RABGAP1L: variants seen among roughly 807,000 people sequenced by gnomAD.
RABGAP1L encodes RAB GTPase activating protein 1 like.
In RABGAP1L, 63 loss-of-function variants were observed where a neutral mutation model predicts 137.7. That is an observed-to-expected ratio of 0.46 (90% CI 0.37 to 0.56). The LOEUF (loss-of-function observed/expected upper bound fraction) is 0.56, where lower values mean the gene tolerates loss of function less well. Among genes scored for constraint, RABGAP1L ranks in the 20% least tolerant of loss-of-function variants. The pLI is 0.00. For synonymous variants in RABGAP1L, 431 were observed against 433.7 expected, an observed-to-expected ratio of 0.99 and a Z score of 0.08; for missense variants, 1,095 against 1,244.0, an observed-to-expected ratio of 0.88 and a Z score of 1.80.
At chr1:174,795,276 C>T (rs1326467610) in intron 18 of RABGAP1L, among the ~76,000 whole-genome samples, 2 of 152,182 alleles carry the variant, frequency 1.3e-5, no homozygotes, top group Non-Finnish European at 1.5e-5. Flanking sequence ...AGCTCTCTGC[C>T]ATCCCCCGTA....
intron 13 of RABGAP1L, among the ~76,000 whole-genome samples, chr1:174,501,014 A>G (rs1257102987): frequency 6.6e-6 from 1 of 152,098 alleles, no homozygotes; most frequent in Non-Finnish European, 1.5e-5. Context: ...ACATTTTCTA[A>G]TTTCTTAAGA....
At chr1:174,888,781 G>C (rs1016658449) in intron 19 of RABGAP1L, among the ~76,000 whole-genome samples, 3 of 152,136 alleles carry the variant, frequency 2.0e-5, no homozygotes, top group African/African-American at 7.2e-5. Flanking sequence ...ACAGACGTGA[G>C]CCACCATGCC....
intron 1 of RABGAP1L, among the ~76,000 whole-genome samples, chr1:174,212,747 C>A (rs4447042): frequency 6.6e-6 from 1 of 151,634 alleles, no homozygotes; most frequent in Non-Finnish European, 1.5e-5. Flanking sequence ...TCAACAAAAC[C>A]AAAAGCTGGT....
intron 1 of RABGAP1L, among the ~76,000 whole-genome samples, chr1:174,202,729 G>T (rs1461058506): frequency 6.6e-6 from 1 of 152,154 alleles, no homozygotes; most frequent in African/African-American, 2.4e-5. Context: ...CCTTGCCCAT[G>T]CCTATGTCCT....
At position 174,432,820 on chromosome 1, in the gene RABGAP1L, G is replaced by C. The variant is rs1229395146; in HGVS notation, c.1710+38675G>C. Among the ~76,000 whole-genome samples the C allele has an allele frequency of 2.0e-5, 3 of 152,302 alleles. No homozygotes were observed. The East Asian group carries it at 5.8e-4, about 29-fold the overall frequency. Reference sequence around the variant, plus strand: ...GAAAGTGCTAGTATTACAGGCGTGAGCCACTGTGCCTGGCTGATATTTCTT... The same window carrying C: ...GAAAGTGCTAGTATTACAGGCGTGACCCACTGTGCCTGGCTGATATTTCTT... On this transcript the variant is annotated intron_variant, in intron 13 of 25. Transcript: ENST00000681986.
At chr1:174,932,906 G>C (rs1664082682) in intron 19 of RABGAP1L, among the ~76,000 whole-genome samples, 1 of 152,026 alleles carries the variant, frequency 6.6e-6, no homozygotes, top group South Asian at 2.1e-4. Context: ...TTTGTACTTT[G>C]CTGGCACTAG....
chr1:174,190,615 C>T (rs1048873351), intron 1 of RABGAP1L, among the ~76,000 whole-genome samples: 7 of 152,192 alleles, frequency 4.6e-5, no homozygotes, highest in African/African-American at 1.7e-4. Flanking sequence ...ATATTCTATC[C>T]AAAGCACTAA....
At chr1:174,690,070 C>T (rs1239707622) in intron 15 of RABGAP1L, among the ~76,000 whole-genome samples, 2 of 152,104 alleles carry the variant, frequency 1.3e-5, no homozygotes, top group South Asian at 4.1e-4. Context: ...TCCCTGTGTC[C>T]TAATACACAC....
At chr1:174,699,047 T>C (rs1452172250) in intron 15 of RABGAP1L, among the ~76,000 whole-genome samples, 1 of 152,010 alleles carries the variant, frequency 6.6e-6, no homozygotes, top group Non-Finnish European at 1.5e-5. Context: ...CATGCTGTAA[T>C]GCAGTGACGT....
chr1:174,618,212 G>A (rs369202703), intron 13 of RABGAP1L, among the ~76,000 whole-genome samples: 3 of 152,178 alleles, frequency 2.0e-5, no homozygotes, highest in Non-Finnish European at 2.9e-5. Context: ...CTCCACCTCT[G>A]GGGGCACAGC....
intron 19 of RABGAP1L, among the ~76,000 whole-genome samples, chr1:174,883,087 G>A (rs921251036): frequency 6.6e-6 from 1 of 152,112 alleles, no homozygotes; most frequent in Non-Finnish European, 1.5e-5. Context: ...GCCTCCCAAA[G>A]TGTTGGGATT....
At chr1:174,772,359 C>G (rs533508172) in intron 18 of RABGAP1L, among the ~76,000 whole-genome samples, 2 of 151,908 alleles carry the variant, frequency 1.3e-5, no homozygotes, top group Non-Finnish European at 2.9e-5. Flanking sequence ...GGGTGGATCA[C>G]CTGAGGTCAG....
chr1:174,282,940 T>C (rs1315853243), intron 10 of RABGAP1L, among the ~76,000 whole-genome samples: 2 of 152,212 alleles, frequency 1.3e-5, no homozygotes, highest in African/African-American at 4.8e-5. Context: ...CTATTTCTCT[T>C]CCATTGAACT....
intron 18 of RABGAP1L, among the ~76,000 whole-genome samples, chr1:174,765,383 A>T (rs1351410457): frequency 6.6e-6 from 1 of 152,044 alleles, no homozygotes; most frequent in Non-Finnish European, 1.5e-5. Flanking sequence ...GGCTGTTCAG[A>T]TCCTTTGCCC....
chr1:174,579,269 G>T (rs757152173), intron 13 of RABGAP1L, among the ~76,000 whole-genome samples: 5 of 152,134 alleles, frequency 3.3e-5, no homozygotes, highest in Admixed American at 6.5e-5. Context: ...ATGCTAATCA[G>T]TGGGAAGGGA....
chr1:174,263,307 A>G (rs1242047471), intron 7 of RABGAP1L, among the ~76,000 whole-genome samples: 1 of 152,100 alleles, frequency 6.6e-6, no homozygotes, highest in Non-Finnish European at 1.5e-5. Flanking sequence ...TCTGAATACC[A>G]CCTTTGGTGA....
At position 174,182,995 on chromosome 1, in the gene RABGAP1L, T is replaced by G. The variant is rs190195818; in HGVS notation, c.-34+23338T>G. ...AGCTATTTCTTTATATGCATGTGTT[T>G]TAGAGTTGTGTGATTCTGTAGTTTC... On this transcript the variant is annotated intron_variant, in intron 1 of 25. Coordinates refer to ENST00000681986, the MANE Select transcript of RABGAP1L (RefSeq NM_001366446.1). 2.8e-3 allele frequency among the ~76,000 whole-genome samples: 424 copies of G among 152,340 alleles called. 2 individuals carry two copies. Among genetic ancestry groups the G allele is most frequent in the African/African-American group, 8.5e-3 (352 of 41,584 alleles).
In RABGAP1L at chr1:174,849,182, C is replaced by T. The variant is rs573284937; in HGVS notation, c.2340+37222C>T. Among the ~76,000 whole-genome samples, 4 of 152,228 alleles carry T rather than the reference C, an allele frequency of 2.6e-5. No individual in the cohort carries two copies. The East Asian group carries it at 5.8e-4, about 22-fold the overall frequency. On this transcript the variant is annotated intron_variant, in intron 19 of 25. Transcript: ENST00000681986. ...CTCAGATGGAAATGCAGAAATCACC[C>T]GTCTTCTGCGTGGCTCACGCTGGGA...
At chr1:174,843,137 A>G (rs1693607596) in intron 19 of RABGAP1L, among the ~76,000 whole-genome samples, 1 of 151,878 alleles carries the variant, frequency 6.6e-6, no homozygotes, top group Non-Finnish European at 1.5e-5. Context: ...ACTGATTCGT[A>G]ATTTTTTCCT....
Sources: allele counts gnomAD v4.1 joint callset (sites outside exome capture counted in the v4.1 genomes callset), GRCh38; gene constraint gnomAD v4.1.1; transcripts MANE v1.5; gene names NCBI Gene and HGNC (gene_info 2026-07-23, HGNC 2026-07-21).